TACC2: variants seen among roughly 807,000 people sequenced by gnomAD.
TACC2 encodes transforming acidic coiled-coil-containing protein 2.
A neutral mutation model predicts 227.3 loss-of-function variants in TACC2; 137 were observed. The ratio of observed to expected loss-of-function variants is 0.60; its 90% CI spans 0.52 to 0.69. TACC2 has a LOEUF of 0.69. Ranked by LOEUF, TACC2 falls within the 30% of genes least tolerant of loss-of-function variation. The pLI is 0.00. For missense variants in TACC2, 3,470 were observed against 3,694.4 expected, an observed-to-expected ratio of 0.94 and a Z score of 1.57; for synonymous variants, 1,523 against 1,487.5, an observed-to-expected ratio of 1.02 and a Z score of -0.55.
At chr10:122,024,421 A>G (rs565341252) in intron 2 of TACC2, among the ~76,000 whole-genome samples, 1 of 152,312 alleles carries the variant, frequency 6.6e-6, no homozygotes, top group East Asian at 1.9e-4. Flanking sequence ...GTTTTCCTCA[A>G]GGGTAACATC....
rs141143717 is a variant in TACC2, at chr10:122,114,044, G to T, written c.5574-18565G>T. Among the ~76,000 whole-genome samples, 1,275 of 152,356 alleles carry T rather than the reference G, an allele frequency of 8.4e-3. 19 individuals are homozygous for T. The highest frequency in any genetic ancestry group is 0.027 in the African/African-American group (1,129 of 41,570). On this transcript the variant is annotated intron_variant, in intron 5 of 22. Coordinates refer to ENST00000369005, the MANE Select transcript of TACC2 (RefSeq NM_206862.4). ...TTGCTATCTTCAGGCTCTGTCAAATGCTGGGACAGGAGAATGTGATAGCGG... is the reference window on the plus strand; with the variant it reads ...TTGCTATCTTCAGGCTCTGTCAAATTCTGGGACAGGAGAATGTGATAGCGG...
intron 5 of TACC2, among the ~76,000 whole-genome samples, chr10:122,095,628 A>G (rs146456845): frequency 2.0e-4 from 31 of 152,320 alleles, no homozygotes; most frequent in Non-Finnish European, 4.1e-4. Flanking sequence ...TAAGAGTTGG[A>G]ACTAGAACTA....
rs574867665 is a variant in TACC2, at chr10:122,116,901, C to G, written c.5574-15708C>G. On this transcript the variant is annotated intron_variant, in intron 5 of 22. Transcript: ENST00000369005. The stretch of plus-strand genomic sequence containing the variant: ...CTTGCTTTGCCACTCTCCTTTCTTT[C>G]TTTTTTTTTTTTGAGACCGTCTTGC... 1.5e-3 allele frequency among the ~76,000 whole-genome samples: 221 copies of G among 145,510 alleles called. 1 individual carries two copies. Among genetic ancestry groups the G allele is most frequent in the African/African-American group, 5.2e-3 (209 of 39,938 alleles).
intron 7 of TACC2, among the ~76,000 whole-genome samples, chr10:122,170,136 C>T (rs990054905): frequency 1.3e-5 from 2 of 152,064 alleles, no homozygotes; most frequent in African/African-American, 4.8e-5. Context: ...ACTCTGATGA[C>T]CATCTTCCTC....
In TACC2 at chr10:122,050,509, G is replaced by A; in HGVS notation, c.105G>A (p.Gln35=). Residue 35 remains glutamine (Q), a synonymous_variant, in exon 3 of 23, where the codon CAG becomes CAA. Transcript: ENST00000369005. The surrounding 1 kb of genome is among the most constrained non-coding windows in gnomAD (Gnocchi z 4.6). The part of the protein sequence containing the change: ...PGNSQNIKRK[Q]QDTPGSPDHR... ...ACAGTCAGAATATAAAAAGGAAGCAGCAGGACACGCCCGGAAGCCCTGACC... is the reference window on the plus strand; with the variant it reads ...ACAGTCAGAATATAAAAAGGAAGCAACAGGACACGCCCGGAAGCCCTGACC... 1 of 1,614,136 alleles carries A rather than the reference G, an allele frequency of 6.2e-7. No individual in the cohort carries two copies. The highest frequency in any genetic ancestry group is 8.5e-7 in the Non-Finnish European group (1 of 1,180,040).
chr10:122,000,972 G>A (rs111545494), intron 1 of TACC2, among the ~76,000 whole-genome samples: 11,759 of 152,046 alleles, frequency 0.077, 769 homozygotes, highest in East Asian at 0.29. Context: ...ACAGGCATGC[G>A]CCACCATGCC....
chr10:122,201,621 G>A (rs886096597), intron 8 of TACC2, among the ~76,000 whole-genome samples: 1 of 152,184 alleles, frequency 6.6e-6, no homozygotes, highest in Admixed American at 6.5e-5. Context: ...TAATGACCTC[G>A]CTGGAGGGGC....
In TACC2 at chr10:121,998,382, C is replaced by A. The variant is rs796364967; in HGVS notation, c.-46+8894C>A. 6.7e-5 allele frequency among the ~76,000 whole-genome samples: 10 copies of A among 150,186 alleles called. 1 individual carries two copies. The South Asian group carries it at 2.1e-3, about 32-fold the overall frequency. ...TACTCACCCTTAGCAGATCTCTGAA[C>A]AATCCACTATGACCCTTGTCCTAGG... On this transcript the variant is annotated intron_variant, in intron 1 of 22. Coordinates refer to ENST00000369005, the MANE Select transcript of TACC2 (RefSeq NM_206862.4).
At chr10:122,213,500 C>T (rs2095339994) in intron 9 of TACC2, 1 of 975,276 alleles carries the variant, frequency 1.0e-6, no homozygotes. Context: ...CTGTGGTGGG[C>T]CTGCGAATGA....
At chr10:122,044,236 G>A (rs188866673) in intron 2 of TACC2, among the ~76,000 whole-genome samples, 148 of 152,320 alleles carry the variant, frequency 9.7e-4, no homozygotes, top group African/African-American at 3.2e-3. Context: ...GCAGCCTTTC[G>A]CTTGTTGGCC....
At chr10:122,221,030 C>A (rs1405930552) in intron 11 of TACC2, among the ~76,000 whole-genome samples, 1 of 152,204 alleles carries the variant, frequency 6.6e-6, no homozygotes. Flanking sequence ...CTCACACTTT[C>A]CTACCTAGGT....
At chr10:122,120,539 T>C (rs2421002) in intron 5 of TACC2, among the ~76,000 whole-genome samples, 102,504 of 151,924 alleles carry the variant, frequency 0.67, 37,855 homozygotes, top group South Asian at 0.82. Context: ...ACTCCCTCTT[T>C]GTCGCACATC....
intron 5 of TACC2, among the ~76,000 whole-genome samples, chr10:122,101,582 C>G (rs1327174997): frequency 1.0e-5 from 1 of 99,432 alleles, no homozygotes; most frequent in African/African-American, 3.9e-5. Context: ...TTTTTTGAGA[C>G]AGAATCTTGC....
intron 5 of TACC2, among the ~76,000 whole-genome samples, chr10:122,115,892 A>G (rs576685855): frequency 1.3e-5 from 2 of 152,298 alleles, no homozygotes; most frequent in Non-Finnish European, 2.9e-5. Context: ...GAAGCTGGCA[A>G]TAAAATCAGT....
chr10:122,251,401 G>C (rs528728585), intron 22 of TACC2, among the ~76,000 whole-genome samples: 37 of 152,300 alleles, frequency 2.4e-4, no homozygotes, highest in African/African-American at 7.7e-4. Context: ...TCAAGTGCAA[G>C]TTTTTGCTCA....
chr10:122,151,691 CCAGAGGT>C (rs1440625609), intron 7 of TACC2, among the ~76,000 whole-genome samples: 1 of 152,002 alleles, frequency 6.6e-6, no homozygotes, highest in African/African-American at 2.4e-5. Flanking sequence ...GGAGGAGAGG[CCAGAGGT>C]CAGAGGGCCA....
At chr10:122,224,465 A>G (rs988563515) in intron 11 of TACC2, among the ~76,000 whole-genome samples, 2 of 152,172 alleles carry the variant, frequency 1.3e-5, no homozygotes, top group Admixed American at 6.5e-5. Context: ...TGGTCGTGCC[A>G]TGGAATTCCT....
chr10:122,247,653 G>A (rs1261912768), intron 19 of TACC2: 1 of 152,224 alleles, frequency 6.6e-6, no homozygotes, highest in Admixed American at 6.5e-5. Context: ...CAGAAACAGA[G>A]CGCCAAACAC....
At chr10:122,061,086 G>C (rs2136415647) in intron 3 of TACC2, among the ~76,000 whole-genome samples, 1 of 151,114 alleles carries the variant, frequency 6.6e-6, no homozygotes, top group African/African-American at 2.4e-5. Flanking sequence ...GAGGCGGGCA[G>C]ATCACGAGGT....
Sources: gnomAD v4.1 joint callset for allele counts (sites outside exome capture counted in the v4.1 genomes callset) on GRCh38, gnomAD v4.1.1 for gene constraint, Gnocchi (gnomAD v3.1) non-coding constraint, MANE v1.5 for transcripts, NCBI Gene and HGNC (gene_info 2026-07-23, HGNC 2026-07-21) for gene names.